Variants in FGFR4 observed in about 807,000 individuals in gnomAD.
FGFR4 encodes fibroblast growth factor receptor 4.
FGFR4 carries 63 observed loss-of-function variants against 89.9 expected under a neutral mutation model. That is an observed-to-expected ratio of 0.70 (90% CI 0.57 to 0.86). The LOEUF is 0.86. FGFR4 is among the 40% of genes least tolerant of loss of function. FGFR4 has a pLI of 0.00. For synonymous variants in FGFR4, 486 were observed against 479.4 expected (o/e 1.01, Z -0.18); for missense variants, 928 against 1,106.7 (o/e 0.84, Z 2.29).
intron 6 of FGFR4, 28 bp downstream of exon 6, chr5:177,091,836 G>C: frequency 5.6e-6 from 9 of 1,612,570 alleles, no homozygotes; most frequent in Non-Finnish European, 6.8e-6. Flanking sequence ...AACAGGGGAG[G>C]CCTGACCCAT....
rs201925633 is a variant in FGFR4, at chr5:177,093,522, C to A, written c.1368C>A (p.Leu456=). 5 of 1,613,890 alleles carry A rather than the reference C, an allele frequency of 3.1e-6. No homozygotes were observed. The African/African-American group carries it at 4.0e-5, about 13-fold the overall frequency. Residue 456 remains leucine, a synonymous_variant, in exon 10 of 18, where the codon CTC becomes CTA. Transcript: ENST00000292408. The surrounding 1 kb of genome is among the most constrained non-coding windows in gnomAD (Gnocchi z 5.8). Reference sequence around the variant, plus strand: ...GCCTCGTGAGTCTAGATCTACCTCTCGACCCACTATGGGAGTTCCCCCGGG... The same window carrying A: ...GCCTCGTGAGTCTAGATCTACCTCTAGACCCACTATGGGAGTTCCCCCGGG... ...LAGLVSLDLP[L]DPLWEFPRDR... is the part of the protein sequence containing the mutation.
chr5:177,095,349 C>T lies in FGFR4; in HGVS notation c.1539C>T (p.Asp513=), dbSNP rs374908371. The change falls in exon 12 of 18, where the codon GAC becomes GAT. Residue 513 remains aspartate, a synonymous_variant. Coordinates refer to ENST00000292408, the MANE Select transcript of FGFR4 (RefSeq NM_213647.3). The surrounding 1 kb of genome is among the most constrained non-coding windows in gnomAD (Gnocchi z 5.7). ...TTACAGACAACGCCTCTGACAAGGA[C>T]CTGGCCGACCTGGTCTCGGAGATGG... ...KMLKDNASDK[D]LADLVSEMEV... 1 of 1,614,174 alleles carries T rather than the reference C, an allele frequency of 6.2e-7. No individual in the cohort carries two copies. Among genetic ancestry groups the T allele is most frequent in the African/African-American group, 1.3e-5 (1 of 75,030 alleles).
At position 177,093,204 on chromosome 5, in the gene FGFR4, C is replaced by A; in HGVS notation, c.1124C>A (p.Ser375Ter). 5 of 1,612,972 alleles carry A rather than the reference C, an allele frequency of 3.1e-6. No individual in the cohort carries two copies. Among genetic ancestry groups the A allele is most frequent in the Non-Finnish European group, 3.4e-6 (4 of 1,179,122 alleles). Residue 375 changes from serine (S) to a stop codon, truncating the protein, a stop_gained, in exon 9 of 18, where the codon TCG becomes TAG. Coordinates refer to ENST00000292408, the MANE Select transcript of FGFR4 (RefSeq NM_213647.3). LOFTEE classifies it high-confidence loss of function. This position sits in a 1 kb window ranked among gnomAD's most constrained non-coding sequence, Gnocchi z 5.8. Reference protein sequence around the residue: ...ARYTDIILYASGSLALAVLLL... With the variant: ...ARYTDIILYA ...TATACGGACATCATCCTGTACGCGTCGGGCTCCCTGGCCTTGGCTGTGCTC... is the reference window on the plus strand; with the variant it reads ...TATACGGACATCATCCTGTACGCGTAGGGCTCCCTGGCCTTGGCTGTGCTC...
In FGFR4 at chr5:177,092,249, G is replaced by T. The variant is rs940183085; in HGVS notation, c.728-72G>T. ...GGTCCCTCCCTTGAACTTGAGGAAG[G>T]CTGGAGGGAGGCAAACAGGGTGCTT... On this transcript the variant is annotated intron_variant, in intron 6 of 17. Coordinates refer to ENST00000292408, the MANE Select transcript of FGFR4 (RefSeq NM_213647.3). The T allele has an allele frequency of 3.5e-6, 5 of 1,446,840 alleles. No individual in the cohort carries two copies. The African/African-American group carries it at 5.7e-5, about 16-fold the overall frequency. 89.6% of individuals were successfully genotyped at this position (1,446,840 alleles called of 1,614,324 possible). A position where few individuals can be genotyped will look rare whatever the true frequency, so the allele number is the denominator to read the frequency against.
Position 177,097,771 on chromosome 5 carries a change from G to C in FGFR4, c.*95G>C. 1 of 1,470,898 alleles carries C rather than the reference G, an allele frequency of 6.8e-7. No individual in the cohort carries two copies. The highest frequency in any genetic ancestry group is 1.4e-5 in the African/African-American group (1 of 71,320). 91.1% of individuals were successfully genotyped at this position (1,470,898 alleles called of 1,614,324 possible). A position where few individuals can be genotyped will look rare whatever the true frequency, so the allele number is the denominator to read the frequency against. On this transcript the variant is annotated 3_prime_UTR_variant, in exon 18 of 18. Coordinates refer to ENST00000292408, the MANE Select transcript of FGFR4 (RefSeq NM_213647.3). Reference sequence around the variant, plus strand: ...ACAGTGCTCGACCTTGATAGCATGGGGCCCCTGGCCCAGAGTTGCTGTGCC... The same window carrying C: ...ACAGTGCTCGACCTTGATAGCATGGCGCCCCTGGCCCAGAGTTGCTGTGCC...
In FGFR4 at chr5:177,093,642, C is replaced by G; in HGVS notation, c.1398-12C>G. On this transcript the variant is annotated splice_polypyrimidine_tract_variant and intron_variant, in intron 10 of 17. Coordinates refer to ENST00000292408, the MANE Select transcript of FGFR4 (RefSeq NM_213647.3). The surrounding 1 kb of genome is among the most constrained non-coding windows in gnomAD (Gnocchi z 5.8). ...ACTCGGAGGTCTGAGGCTGGACTTT[C>G]TCCATCTCCAGGCTGGTGCTTGGGA... 3 of 1,614,194 alleles carry G rather than the reference C, an allele frequency of 1.9e-6. No individual in the cohort carries two copies. Among genetic ancestry groups the G allele is most frequent in the Non-Finnish European group, 1.7e-6 (2 of 1,180,026 alleles).
Position 177,092,715 on chromosome 5 carries a change from G to C in FGFR4, c.988G>C (p.Glu330Gln). 1 of 1,614,252 alleles carries C rather than the reference G, an allele frequency of 6.2e-7. No homozygotes were observed. The highest frequency in any genetic ancestry group is 8.5e-7 in the Non-Finnish European group (1 of 1,180,036). The change falls in exon 8 of 18, where the codon GAG becomes CAG. Residue 330 changes from glutamate to glutamine, a missense_variant. Around this residue, in one of 5 missense-constraint regions of FGFR4, gnomAD observed 741 missense variants for 836.9 expected, o/e 0.89. Coordinates refer to ENST00000292408, the MANE Select transcript of FGFR4 (RefSeq NM_213647.3). ...LRNVSAEDAG[E>Q]YTCLAGNSIG... The stretch of plus-strand genomic sequence containing the variant: ...GAACGTGTCAGCCGAGGACGCAGGC[G>C]AGTACACCTGCCTCGCAGGCAATTC...
rs1215719685 is a variant in FGFR4, at chr5:177,087,700, C to T, written c.-54+623C>T. 1 of 944,842 alleles carries T rather than the reference C, an allele frequency of 1.1e-6. No individual in the cohort carries two copies. The allele number at this position is 944,842 out of a possible 1,614,324, so 58.5% of individuals were successfully genotyped here. A position where few individuals can be genotyped will look rare whatever the true frequency, so the allele number is the denominator to read the frequency against. ...CCCAAGCTGTGTACCCAAAGAGCTG[C>T]CCTCCCTGCCAAGCCGAGCTTGGTA... On this transcript the variant is annotated intron_variant, in intron 1 of 17. Coordinates refer to ENST00000292408, the MANE Select transcript of FGFR4 (RefSeq NM_213647.3). The surrounding 1 kb of genome is among the most constrained non-coding windows in gnomAD (Gnocchi z 6.1).
In FGFR4 at chr5:177,090,773, G is replaced by A; in HGVS notation, c.384G>A (p.Glu128=). The change falls in exon 4 of 18, where the codon GAG becomes GAA. Residue 128 remains glutamate, a synonymous_variant. Transcript: ENST00000292408. ...CCTTGACCTCCAGCAACGATGATGA[G>A]GACCCCAAGTCCCATAGGGACCCCT... ...GDSLTSSNDD[E]DPKSHRDPSN... The A allele has an allele frequency of 6.2e-7, 1 of 1,611,250 alleles. No individual in the cohort carries two copies. Among genetic ancestry groups the A allele is most frequent in the Admixed American group, 1.7e-5 (1 of 59,832 alleles).
rs772536234 is a variant in FGFR4, at chr5:177,090,536, C to T, written c.238C>T (p.Arg80Trp). ...GSRLAPAGRV[R>W]GWRGRLEIAS... ...TCGCCTGGCACCTGCTGGCCGTGTA[C>T]GGGGCTGGAGGGGCCGCCTAGAGAT... Residue 80 changes from arginine to tryptophan, a missense_variant, in exon 3 of 18, where the codon CGG becomes TGG. This residue lies in a region of FGFR4 where 741 missense variants were observed against 836.9 expected (regional missense o/e 0.89). Coordinates refer to ENST00000292408, the MANE Select transcript of FGFR4 (RefSeq NM_213647.3). 5.2e-6 allele frequency: 8 copies of T among 1,551,778 alleles called. No individual in the cohort carries two copies. Among genetic ancestry groups the T allele is most frequent in the African/African-American group, 1.4e-5 (1 of 73,288 alleles).
chr5:177,089,652 C>A lies in FGFR4; in HGVS notation c.50C>A (p.Pro17His). ...LLGVLLSVPG[P>H]PVLSLEASEE... is the part of the protein sequence containing the mutation. Reference sequence around the variant, plus strand: ...GGGGTCCTGCTGAGTGTGCCTGGGCCTCCAGTCTTGTCCCTGGAGGCCTCT... The same window carrying A: ...GGGGTCCTGCTGAGTGTGCCTGGGCATCCAGTCTTGTCCCTGGAGGCCTCT... Residue 17 changes from proline to histidine, a missense_variant, in exon 2 of 18, where the codon CCT (proline) becomes CAT (histidine). By Grantham distance (77) the Pro-to-His change is moderately conservative (BLOSUM62 -2). Transcript: ENST00000292408. 1 of 1,614,010 alleles carries A rather than the reference C, an allele frequency of 6.2e-7. No homozygotes were observed.
chr5:177,089,422 C>T, intron 1 of FGFR4, 128 bp from the exon 2 acceptor site: 1 of 1,096,912 alleles, frequency 9.1e-7, no homozygotes, highest in Non-Finnish European at 1.3e-6. Context: ...TGCACTGCCA[C>T]AGCCTGGCCA....
intron 6 of FGFR4, among the ~76,000 whole-genome samples, chr5:177,092,085 G>A (rs558480533): frequency 6.1e-4 from 93 of 152,350 alleles, no homozygotes; most frequent in African/African-American, 2.1e-3. Flanking sequence ...CATATTCGTA[G>A]GGCGTGGCGT....
At chr5:177,089,958 G>A (rs1403587193) in intron 2 of FGFR4, 1 of 682,746 alleles carries the variant, frequency 1.5e-6, no homozygotes, top group Non-Finnish European at 2.7e-6. Flanking sequence ...CCTTACCTGG[G>A]TGTGTGTGCG....
At position 177,090,383 on chromosome 5, in the gene FGFR4, C is replaced by T. The variant is rs2149730622; in HGVS notation, c.92-7C>T. 1.2e-6 allele frequency: 2 copies of T among 1,600,628 alleles called. No homozygotes were observed. Among genetic ancestry groups the T allele is most frequent in the Non-Finnish European group, 1.7e-6 (2 of 1,179,922 alleles). ...GGGGTCTGCTGACCTCTGCCCTCTG[C>T]CCACAGAGCCCTGCCTGGCTCCCAG... is the stretch of plus-strand genomic sequence containing the variant. On this transcript the variant is annotated splice_polypyrimidine_tract_variant and splice_region_variant and intron_variant, in intron 2 of 17. Coordinates refer to ENST00000292408, the MANE Select transcript of FGFR4 (RefSeq NM_213647.3).
At position 177,096,082 on chromosome 5, in the gene FGFR4, G is replaced by T. The variant is rs2301344; in HGVS notation, c.1847G>T (p.Arg616Leu). Residue 616 changes from arginine (R) to leucine (L), a missense_variant, in exon 14 of 18, where the codon CGC becomes CTC. Arg to Leu is a moderately radical substitution (Grantham distance 102). Coordinates refer to ENST00000292408, the MANE Select transcript of FGFR4 (RefSeq NM_213647.3). ...RKCIHRDLAA[R>L]NVLVTEDNVM... is the part of the protein sequence containing the mutation. ...TGTATCCACCGGGACCTGGCTGCCC[G>T]CAATGTGCTGGTGACTGAGGACAAT... 1.2e-6 allele frequency: 2 copies of T among 1,614,046 alleles called. No homozygotes were observed. Among genetic ancestry groups the T allele is most frequent in the East Asian group, 2.2e-5 (1 of 44,884 alleles).
At chr5:177,090,118 ATGTGTGTGTGTGTATGCG>A (rs1417355987) in intron 2 of FGFR4, 16 of 632,210 alleles carry the variant, frequency 2.5e-5, no homozygotes, top group Admixed American at 6.8e-5. Context: ...GTGTGTCCGT[ATGTGTGTGTGTGTATGCG>A]TGTGTGTGTG....
At chr5:177,096,974 C>T (rs1197571004) in intron 16 of FGFR4, among the ~76,000 whole-genome samples, 1 of 85,024 alleles carries the variant, frequency 1.2e-5, no homozygotes, top group Non-Finnish European at 2.5e-5. Context: ...GCTCCTCTTC[C>T]TCCTCCTTCT....
At position 177,093,484 on chromosome 5, in the gene FGFR4, G is replaced by A. The variant is rs778723081; in HGVS notation, c.1330G>A (p.Ala444Thr). ...CGTGCGTCTCTCCTCCAGCGGCCCC[G>A]CCTTGCTCGCCGGCCTCGTGAGTCT... The part of the protein sequence containing the change: ...RGVRLSSSGP[A>T]LLAGLVSLDL... The change falls in exon 10 of 18, where the codon GCC (alanine) becomes ACC (threonine). Residue 444 changes from alanine to threonine, a missense_variant. Around this residue, in one of 5 missense-constraint regions of FGFR4, gnomAD observed 741 missense variants for 836.9 expected, o/e 0.89. Coordinates refer to ENST00000292408, the MANE Select transcript of FGFR4 (RefSeq NM_213647.3). This position sits in a 1 kb window ranked among gnomAD's most constrained non-coding sequence, Gnocchi z 5.8. 9.9e-6 allele frequency: 16 copies of A among 1,613,788 alleles called. No homozygotes were observed. The highest frequency in any genetic ancestry group is 6.6e-5 in the South Asian group (6 of 91,096).
Sources: gnomAD v4.1 joint callset for allele counts (sites outside exome capture counted in the v4.1 genomes callset) on GRCh38, gnomAD v4.1.1 for gene constraint, gnomAD v4.1.1 regional missense constraint, Gnocchi (gnomAD v3.1) non-coding constraint, MANE v1.5 for transcripts, NCBI Gene and HGNC (gene_info 2026-07-23, HGNC 2026-07-21) for gene names.